Variants in MYO15B observed in about 807,000 individuals in gnomAD.
The protein encoded by MYO15B is myosin XVB pseudogene.
Under a neutral mutation model 119.3 loss-of-function variants are expected in MYO15B, and 207 were observed. That is an observed-to-expected ratio of 1.73 (90% CI 1.55 to 1.95). MYO15B has a LOEUF of 1.95. Among genes scored for constraint, MYO15B ranks in the 30% most tolerant of loss-of-function variants. MYO15B has a pLI of 0.00. For missense variants in MYO15B, 2,264 were observed against 1,203.1 expected (o/e 1.88, Z -13.04); for synonymous variants, 966 against 498.9 (o/e 1.94, Z -12.48).
intron 19 of MYO15B, among the ~76,000 whole-genome samples, chr17:75,604,126 T>G (rs2057462581): frequency 6.6e-6 from 1 of 151,880 alleles, no homozygotes; most frequent in African/African-American, 2.4e-5. Context: ...CAGCCTTGAG[T>G]CAGATCCTGA....
At chr17:75,626,672 A>G (rs1207522329) in exon 64 of MYO15B, among the ~76,000 whole-genome samples, 1 of 152,136 alleles carries the variant, frequency 6.6e-6, no homozygotes, top group African/African-American at 2.4e-5. Context: ...AAACAGCCAG[A>G]CCCTCTCCAG....
chr17:75,625,757 C>T (rs1339345373), intron 61 of MYO15B, 87 bp from the exon 62 acceptor site: 2 of 701,014 alleles, frequency 2.9e-6, no homozygotes, highest in Admixed American at 2.0e-5. Context: ...CCTGCCCTGT[C>T]CCTCTCAGCT....
chr17:75,625,780 C>G (rs993633322), intron 61 of MYO15B, 64 bp from the exon 62 acceptor site: 1 of 701,120 alleles, frequency 1.4e-6, no homozygotes. Context: ...CCTGGGGGAC[C>G]AAGCAGAGCA....
Position 75,589,506 on chromosome 17 carries a change from G to C in MYO15B, c.1449G>C (p.Gly483=). Residue 483 remains glycine (G), a synonymous_variant, in exon 1 of 64, where the codon GGG becomes GGC. Coordinates refer to ENST00000645453, the Ensembl canonical transcript of MYO15B. The surrounding 1 kb of genome is among the most constrained non-coding windows in gnomAD (Gnocchi z 4.2). ...ACGAGGGCCGGGACCACCAGAGAGG[G>C]TACGAGGGGTGGGGCCGTGAGCCCG... 1 of 398,730 alleles carries C rather than the reference G, an allele frequency of 2.5e-6. No homozygotes were observed. The highest frequency in any genetic ancestry group is 3.6e-5 in the East Asian group (1 of 28,034). The allele number at this position is 398,730 out of a possible 1,614,324, so 24.7% of individuals were successfully genotyped here.
At chr17:75,607,431 A>T (rs933849240) in intron 21 of MYO15B, among the ~76,000 whole-genome samples, 17 of 140,488 alleles carry the variant, frequency 1.2e-4, no homozygotes, top group African/African-American at 4.3e-4. Context: ...GTTAATAATT[A>T]ATTATTATTA....
intron 42 of MYO15B, 81 bp from the exon 43 acceptor site, chr17:75,618,045 T>A: frequency 1.4e-6 from 1 of 694,390 alleles, no homozygotes; most frequent in Non-Finnish European, 2.6e-6. Context: ...CAAGGCTGAT[T>A]TTCCAGGCCT....
Position 75,609,065 on chromosome 17 carries a change from C to T in MYO15B, c.4293-1101C>T, listed in dbSNP as rs576560424. On this transcript the variant is annotated intron_variant, in intron 21 of 63. Coordinates refer to ENST00000645453, the Ensembl canonical transcript of MYO15B. Reference sequence around the variant, plus strand: ...ATTTTTAGTAGAGACGGGGATTCACCGTGTTGGCCAGGCTGGTCTCAAGCT... The same window carrying T: ...ATTTTTAGTAGAGACGGGGATTCACTGTGTTGGCCAGGCTGGTCTCAAGCT... Among the ~76,000 whole-genome samples, 146 of 151,804 alleles carry T rather than the reference C, an allele frequency of 9.6e-4. 1 individual carries two copies. The highest frequency in any genetic ancestry group is 1.7e-3 in the Non-Finnish European group (118 of 67,926).
exon 18 of MYO15B, chr17:75,603,043 A>G (rs1050446239): frequency 2.8e-6 from 2 of 702,994 alleles, no homozygotes; most frequent in African/African-American, 1.7e-5. Context: ...AGCCATGTCT[A>G]TTTCATCCAG....
chr17:75,595,293 C>T (rs2056783727), intron 12 of MYO15B, among the ~76,000 whole-genome samples: 1 of 152,242 alleles, frequency 6.6e-6, no homozygotes, highest in African/African-American at 2.4e-5. Flanking sequence ...TTCATCCAAG[C>T]ATGGTCTCTG....
chr17:75,589,249 ACCGGG>A lies in MYO15B; in HGVS notation c.1195_1199del (p.Gly399ThrfsTer31). The A allele has an allele frequency of 5.0e-6, 2 of 397,786 alleles. No individual in the cohort carries two copies. The highest frequency in any genetic ancestry group is 8.8e-6 in the Non-Finnish European group (2 of 226,870). The allele number at this position is 397,786 out of a possible 1,614,324, so 24.6% of individuals were successfully genotyped here. On this transcript the variant is annotated frameshift_variant, in exon 1 of 64. Transcript: ENST00000645453. LOFTEE classifies it high-confidence loss of function. This position sits in a 1 kb window ranked among gnomAD's most constrained non-coding sequence, Gnocchi z 4.2. Reference sequence around the variant, plus strand: ...GCCGCCAGAGGGCGAGGGGCAGGGTACCGGGCCACGGGCGAGCGAGGGGTGGGGCC... The same window carrying A: ...GCCGCCAGAGGGCGAGGGGCAGGGTACCACGGGCGAGCGAGGGGTGGGGCC...
chr17:75,620,957 G>T, intron 49 of MYO15B, 74 bp from the exon 50 acceptor site: 1 of 702,740 alleles, frequency 1.4e-6, no homozygotes, highest in South Asian at 1.5e-5. Context: ...GGCTGGGGAG[G>T]GATGGGGCTG....
chr17:75,625,843 G>A lies in MYO15B; in HGVS notation c.8939-1G>A, dbSNP rs1415810638. ...CCTGCCTGCACCCTCTCCACCCGCA[G>A]AGGCCATGAGCCAGCTGCCCCTCTT... On this transcript the variant is annotated splice_acceptor_variant, in intron 61 of 63. Coordinates refer to ENST00000645453, the Ensembl canonical transcript of MYO15B. LOFTEE classifies it high-confidence loss of function. The A allele has an allele frequency of 2.8e-6, 2 of 702,842 alleles. No homozygotes were observed. Among genetic ancestry groups the A allele is most frequent in the East Asian group, 2.7e-5 (1 of 37,294 alleles). The allele number at this position is 702,842 out of a possible 1,614,324, so 43.5% of individuals were successfully genotyped here.
rs1222187700 is a variant in MYO15B, at chr17:75,610,074, T to A, written c.4293-92T>A. ...GCTTCTCTGGTCCAAAGTCAGTTTT[T>A]ACATGAATGTCAGGCTTAAGGGATT... On this transcript the variant is annotated intron_variant, in intron 21 of 63. Transcript: ENST00000645453. 9 of 558,184 alleles carry A rather than the reference T, an allele frequency of 1.6e-5. No individual in the cohort carries two copies. The African/African-American group carries it at 1.7e-4, about 11-fold the overall frequency. The allele number at this position is 558,184 out of a possible 1,614,324, so 34.6% of individuals were successfully genotyped here.
intron 49 of MYO15B, 69 bp from the exon 50 acceptor site, chr17:75,620,962 G>T (rs1270124240): frequency 5.7e-6 from 4 of 702,818 alleles, no homozygotes; most frequent in Non-Finnish European, 1.0e-5. Context: ...GGGAGGGATG[G>T]GGCTGGGGCA....
rs1344015795 is a variant in MYO15B, at chr17:75,624,544, T to C, written c.8447T>C (p.Val2816Ala). 12 of 702,844 alleles carry C rather than the reference T, an allele frequency of 1.7e-5. No individual in the cohort carries two copies. The Admixed American group carries it at 2.0e-4, about 12-fold the overall frequency. 43.5% of individuals were successfully genotyped at this position (702,844 alleles called of 1,614,324 possible). ...ATCACAGTCTGTCCACATGCCCAGG[T>C]AGCAGCAGAAGTGCAGGAGGAGCTG... The change falls in exon 58 of 64, where the codon GTA becomes GCA. Residue 2816 changes from valine (V) to alanine (A), a missense_variant and splice_region_variant. Coordinates refer to ENST00000645453, the Ensembl canonical transcript of MYO15B.
intron 29 of MYO15B, 88 bp downstream of exon 29, chr17:75,613,865 G>A (rs562928250): frequency 3.9e-4 from 243 of 623,170 alleles, no homozygotes; most frequent in African/African-American, 3.3e-3. Context: ...CTCAGGGGCC[G>A]GGAGGAGAGG....
exon 49 of MYO15B, chr17:75,620,554 C>T: frequency 1.4e-6 from 1 of 702,892 alleles, no homozygotes; most frequent in Non-Finnish European, 2.6e-6. Flanking sequence ...TTTTCCTTCT[C>T]CAAGGAGCAG....
intron 53 of MYO15B, among the ~76,000 whole-genome samples, chr17:75,622,507 C>T (rs568400971): frequency 2.6e-5 from 4 of 152,232 alleles, no homozygotes; most frequent in Non-Finnish European, 5.9e-5. Context: ...GGATGGGGAG[C>T]GGATGGTGGG....
chr17:75,602,295 G>T, intron 15 of MYO15B: 1 of 671,630 alleles, frequency 1.5e-6, no homozygotes, highest in Non-Finnish European at 2.7e-6. Context: ...AAGCCCCAGT[G>T]GGGAGAGTGT....
Sources: gnomAD v4.1 joint callset for allele counts (sites outside exome capture counted in the v4.1 genomes callset) on GRCh38, gnomAD v4.1.1 for gene constraint, Gnocchi (gnomAD v3.1) non-coding constraint, MANE v1.5 for transcripts, NCBI Gene and HGNC (gene_info 2026-07-23, HGNC 2026-07-21) for gene names.